Variants in EIF3M observed in about 807,000 individuals in gnomAD.
EIF3M encodes eukaryotic translation initiation factor 3 subunit M, also known as B5 receptor.
EIF3M carries 25 observed loss-of-function variants against 49.7 expected under a neutral mutation model. The ratio of observed to expected loss-of-function variants is 0.50; its 90% CI spans 0.37 to 0.70. The LOEUF is 0.70. EIF3M is among the 30% of genes least tolerant of loss of function. EIF3M has a pLI of 0.00. For missense variants in EIF3M, 350 were observed against 440.0 expected (o/e 0.80, Z 1.83); for synonymous variants, 156 against 149.8 (o/e 1.04, Z -0.30).
intron 5 of EIF3M, among the ~76,000 whole-genome samples, chr11:32,590,017 C>T (rs1430646910): frequency 6.6e-6 from 1 of 152,152 alleles, no homozygotes; most frequent in Non-Finnish European, 1.5e-5. Flanking sequence ...TATTCCATCT[C>T]TCCACCCATG....
chr11:32,602,443 A>C lies in EIF3M; in HGVS notation c.*44A>C. ...TTTGTTCTTTGAAAAAAAAGCCCTA[A>C]ATCATAGTAAAACATTATAAACTAA... On this transcript the variant is annotated 3_prime_UTR_variant, in exon 11 of 11. Coordinates refer to ENST00000531120, the MANE Select transcript of EIF3M (RefSeq NM_006360.6). 1.9e-6 allele frequency: 3 copies of C among 1,592,908 alleles called. No homozygotes were observed. The highest frequency in any genetic ancestry group is 2.6e-6 in the Non-Finnish European group (3 of 1,170,210).
At chr11:32,592,355 G>T in intron 5 of EIF3M, 1 of 551,518 alleles carries the variant, frequency 1.8e-6, no homozygotes, top group Non-Finnish European at 3.4e-6. Flanking sequence ...TTTCCACTCT[G>T]CCAGTCCTCC....
In EIF3M at chr11:32,602,428, GA is replaced by G. The variant is rs754534624; in HGVS notation, c.*37del. ...TTTATGCTTATAATTTTTGTTCTTT[GA>G]AAAAAAAGCCCTAAATCATAGTAAA... On this transcript the variant is annotated 3_prime_UTR_variant, in exon 11 of 11. Coordinates refer to ENST00000531120, the MANE Select transcript of EIF3M (RefSeq NM_006360.6). 1.8e-5 allele frequency: 28 copies of G among 1,585,358 alleles called. No individual in the cohort carries two copies. In the East Asian group the frequency reaches 2.0e-4, roughly 12 times the overall value.
chr11:32,601,676 G>A, intron 9 of EIF3M, 86 bp from the exon 10 acceptor site: 2 of 1,249,920 alleles, frequency 1.6e-6, no homozygotes, highest in Non-Finnish European at 2.3e-6. Context: ...GTTTTATTAT[G>A]GCTTACTTGG....
intron 1 of EIF3M, among the ~76,000 whole-genome samples, chr11:32,586,316 A>G (rs1854997186): frequency 6.6e-6 from 1 of 152,186 alleles, no homozygotes; most frequent in African/African-American, 2.4e-5. Flanking sequence ...GAATAAATAT[A>G]TATAATTCGG....
rs950133831 is a variant in EIF3M, at chr11:32,594,105, T to G, written c.617+156T>G. ...GGTGATTCTAATGTAGATACTAAAA[T>G]TCAAGGTTTGATATTGGAAGAACTG... On this transcript the variant is annotated intron_variant, in intron 6 of 10. Transcript: ENST00000531120. 9.1e-6 allele frequency: 4 copies of G among 439,240 alleles called. No individual in the cohort carries two copies. In the East Asian group the frequency reaches 1.4e-4, roughly 16 times the overall value. The allele number at this position is 439,240 out of a possible 1,614,324, so 27.2% of individuals were successfully genotyped here.
At position 32,585,213 on chromosome 11, in the gene EIF3M, T is replaced by C. The variant is rs573036263; in HGVS notation, c.42+1284T>C. Reference sequence around the variant, plus strand: ...GAGGTTAAGCACAGATAGGAAGATATGAAAGACAAAAAGATACCTGATTAG... The same window carrying C: ...GAGGTTAAGCACAGATAGGAAGATACGAAAGACAAAAAGATACCTGATTAG... On this transcript the variant is annotated intron_variant, in intron 1 of 10. Transcript: ENST00000531120. Among the ~76,000 whole-genome samples the C allele has an allele frequency of 1.2e-4, 18 of 151,674 alleles. No homozygotes were observed. In the South Asian group the frequency reaches 2.9e-3, roughly 25 times the overall value.
chr11:32,586,585 A>G (rs1855001665), intron 1 of EIF3M, among the ~76,000 whole-genome samples: 1 of 152,262 alleles, frequency 6.6e-6, no homozygotes, highest in Admixed American at 6.5e-5. Context: ...CTTTTCTAGT[A>G]GCTGTGGTTA....
Position 32,602,984 on chromosome 11 carries a change from T to A in EIF3M, c.*585T>A. ...GTCGTCTTGATTGCCTGCAAATGGC[T>A]TTGTAGTGGAGTTGATATCAGAGGC... is the stretch of plus-strand genomic sequence containing the variant. On this transcript the variant is annotated 3_prime_UTR_variant, in exon 11 of 11. Coordinates refer to ENST00000531120, the MANE Select transcript of EIF3M (RefSeq NM_006360.6). 1.9e-6 allele frequency: 3 copies of A among 1,612,344 alleles called. No individual in the cohort carries two copies. The highest frequency in any genetic ancestry group is 2.5e-6 in the Non-Finnish European group (3 of 1,179,538).
intron 5 of EIF3M, chr11:32,592,391 C>G (rs1017627302): frequency 5.5e-6 from 3 of 548,246 alleles, no homozygotes; most frequent in Admixed American, 2.0e-5. Flanking sequence ...TTCAATCTTG[C>G]GATACTTTTC....
At position 32,589,222 on chromosome 11, in the gene EIF3M, G is replaced by T. The variant is rs974522376; in HGVS notation, c.438+87G>T. ...ACGGAGTTTCACTGTTGTTGCCCAG[G>T]CTGGAGTGCAATGGCGCAATCTCAG... On this transcript the variant is annotated intron_variant, in intron 4 of 10. Coordinates refer to ENST00000531120, the MANE Select transcript of EIF3M (RefSeq NM_006360.6). The T allele has an allele frequency of 6.4e-6, 10 of 1,552,746 alleles. No individual in the cohort carries two copies. The African/African-American group carries it at 1.1e-4, about 17-fold the overall frequency.
At chr11:32,593,639 G>A in intron 5 of EIF3M, 1 of 327,560 alleles carries the variant, frequency 3.1e-6, no homozygotes, top group African/African-American at 2.1e-5. Context: ...TTGTTGCTTT[G>A]ATTAAATCAC....
chr11:32,602,864 G>T lies in EIF3M; in HGVS notation c.*465G>T. The T allele has an allele frequency of 6.2e-7, 1 of 1,609,774 alleles. No homozygotes were observed. On this transcript the variant is annotated 3_prime_UTR_variant, in exon 11 of 11. Coordinates refer to ENST00000531120, the MANE Select transcript of EIF3M (RefSeq NM_006360.6). The stretch of plus-strand genomic sequence containing the variant: ...GTCTCTTCTGCTTTTCTTTTCTTTG[G>T]CTGGTTGTCATTTTCTAAACTTAGT...
intron 1 of EIF3M, 23 bp downstream of exon 1, chr11:32,583,952 C>T: frequency 4.3e-6 from 7 of 1,611,972 alleles, no homozygotes; most frequent in Non-Finnish European, 5.9e-6. Flanking sequence ...CTACGGGTGC[C>T]GCCACGGTGG....
chr11:32,601,490 C>CGGGGGGGGGG, intron 9 of EIF3M: 1 of 261,992 alleles, frequency 3.8e-6, no homozygotes, highest in Non-Finnish European at 6.8e-6. Context: ...GGAAGAACAC[C>CGGGGGGGGGG]TAGCATTCTT....
At chr11:32,584,034 A>C in intron 1 of EIF3M, 105 bp downstream of exon 1, 1 of 1,468,206 alleles carries the variant, frequency 6.8e-7, no homozygotes, top group Non-Finnish European at 9.3e-7. Flanking sequence ...TGACACCCGC[A>C]GCTGTTCTAC....
At chr11:32,598,764 T>C (rs1273815979) in intron 8 of EIF3M, among the ~76,000 whole-genome samples, 1 of 151,994 alleles carries the variant, frequency 6.6e-6, no homozygotes, top group Non-Finnish European at 1.5e-5. Context: ...ATAATAGAAA[T>C]TTCAGAAGTT....
In EIF3M at chr11:32,600,710, T is replaced by C. The variant is rs1428105226; in HGVS notation, c.821T>C (p.Met274Thr). 1 of 1,610,578 alleles carries C rather than the reference T, an allele frequency of 6.2e-7. No individual in the cohort carries two copies. The highest frequency in any genetic ancestry group is 8.5e-7 in the Non-Finnish European group (1 of 1,177,946). ...DSLGLLHEQN[M>T]AKMRLLTFMG... ...CTAGGCCTGTTACATGAACAGAATA[T>C]GGCAAAAATGAGACTACTTACTTTT... Residue 274 changes from methionine to threonine, a missense_variant, in exon 9 of 11, where the codon ATG becomes ACG. Coordinates refer to ENST00000531120, the MANE Select transcript of EIF3M (RefSeq NM_006360.6).
rs148753140 is a variant in EIF3M at position 32,601,032 on chromosome 11, A to T, written c.943+200A>T. On this transcript the variant is annotated intron_variant, in intron 9 of 10. Coordinates refer to ENST00000531120, the MANE Select transcript of EIF3M (RefSeq NM_006360.6). ...ATAAACTGCTATATTCTATCCCTTG[A>T]AATCACGTAGAACAAAGACGTTTAG... 2.7e-3 allele frequency: 1,344 copies of T among 506,470 alleles called. 5 individuals carry two copies. Among genetic ancestry groups the T allele is most frequent in the Non-Finnish European group, 3.7e-3 (1,193 of 323,688 alleles). 31.4% of individuals were successfully genotyped at this position (506,470 alleles called of 1,614,324 possible).
Sources: gnomAD v4.1 joint callset for allele counts (sites outside exome capture counted in the v4.1 genomes callset) on GRCh38, gnomAD v4.1.1 for gene constraint, MANE v1.5 for transcripts, NCBI Gene and HGNC (gene_info 2026-07-23, HGNC 2026-07-21) for gene names.